The following NLRP2B variants were observed in gnomAD, a reference collection of about 807,000 sequenced individuals.
The protein encoded by NLRP2B is NLR family pyrin domain containing 2B, also known as NLR family pyrin domain-containing protein 2B.
For missense variants in NLRP2B, 25 were observed against 6.8 expected (o/e 3.70, Z -3.00); for synonymous variants, 16 against 3.5 (o/e 4.63, Z -4.03).
Position 57,679,727 on chromosome X carries a change from T to G in NLRP2B, c.*396A>C. 2.5e-6 allele frequency: 1 copy of G among 405,900 alleles called. No homozygotes were observed. Among genetic ancestry groups the G allele is most frequent in the Non-Finnish European group, 4.4e-6 (1 of 225,759 alleles). The allele number at this position is 405,900 out of a possible 1,213,427, so 33.5% of individuals were successfully genotyped here. The stretch of plus-strand genomic sequence containing the variant: ...CTCTGAGCCATAATATGGACCACTT[T>G]GAGGTCTCCAGGCCAGGTTTTCCAC... On this transcript the variant is annotated 3_prime_UTR_variant, in exon 1 of 1. Coordinates refer to ENST00000434992, the MANE Select transcript of NLRP2B (RefSeq NM_001319967.1).
chrX:57,679,948 C>G lies in NLRP2B; in HGVS notation c.*175G>C. ...TTTTGGCTCTTCTTTCCCTGTTTTC[C>G]CTAATGATACAGGCTTGATTTCAAA... is the stretch of plus-strand genomic sequence containing the variant. On this transcript the variant is annotated 3_prime_UTR_variant, in exon 1 of 1. Coordinates refer to ENST00000434992, the MANE Select transcript of NLRP2B (RefSeq NM_001319967.1). The G allele has an allele frequency of 6.7e-6, 2 of 296,381 alleles. No homozygotes were observed. The highest frequency in any genetic ancestry group is 1.2e-5 in the Non-Finnish European group (2 of 169,876). The allele number at this position is 296,381 out of a possible 1,213,427, so 24.4% of individuals were successfully genotyped here.
chrX:57,678,927 C>T lies in NLRP2B; in HGVS notation c.*1196G>A, dbSNP rs1485412466. 6.3e-5 allele frequency: 26 copies of T among 415,832 alleles called. No individual in the cohort carries two copies. The highest frequency in any genetic ancestry group is 1.9e-4 in the South Asian group (6 of 31,188). The allele number at this position is 415,832 out of a possible 1,213,427, so 34.3% of individuals were successfully genotyped here. A position where few individuals can be genotyped will look rare whatever the true frequency, so the allele number is the denominator to read the frequency against. ...GGCCCTGTGCCGCCAGGAGGCTCAG[C>T]GCCCGCAGCACGCCCCAGAGCTGTG... On this transcript the variant is annotated 3_prime_UTR_variant, in exon 1 of 1. Coordinates refer to ENST00000434992, the MANE Select transcript of NLRP2B (RefSeq NM_001319967.1).
Position 57,677,112 on chromosome X carries a change from T to C in NLRP2B, c.*3011A>G, listed in dbSNP as rs1167311464. On this transcript the variant is annotated 3_prime_UTR_variant, in exon 1 of 1. Coordinates refer to ENST00000434992, the MANE Select transcript of NLRP2B (RefSeq NM_001319967.1). Reference sequence around the variant, plus strand: ...AAAGCCTTTTTTCCCCCCCAAAGGATCATGTTTCTCAGTTATCAGCAGGCA... The same window carrying C: ...AAAGCCTTTTTTCCCCCCCAAAGGACCATGTTTCTCAGTTATCAGCAGGCA... 2 of 282,201 alleles carry C rather than the reference T, an allele frequency of 7.1e-6. No individual in the cohort carries two copies. The highest frequency in any genetic ancestry group is 5.7e-5 in the African/African-American group (2 of 35,292). The allele number at this position is 282,201 out of a possible 1,213,427, so 23.3% of individuals were successfully genotyped here. A position where few individuals can be genotyped will look rare whatever the true frequency, so the allele number is the denominator to read the frequency against.
At position 57,680,101 on chromosome X, in the gene NLRP2B, G is replaced by T; in HGVS notation, c.*22C>A. On this transcript the variant is annotated 3_prime_UTR_variant, in exon 1 of 1. Coordinates refer to ENST00000434992, the MANE Select transcript of NLRP2B (RefSeq NM_001319967.1). ...TGGCTGGTGATGATTTCTGCCAGTTGCTTCCCATCAGCCTTGTCTACCTAT... is the reference window on the plus strand; with the variant it reads ...TGGCTGGTGATGATTTCTGCCAGTTTCTTCCCATCAGCCTTGTCTACCTAT... The T allele has an allele frequency of 2.2e-6, 1 of 451,896 alleles. No homozygotes were observed. The allele number at this position is 451,896 out of a possible 1,213,427, so 37.2% of individuals were successfully genotyped here.
At position 57,679,336 on chromosome X, in the gene NLRP2B, T is replaced by G. The variant is rs1301293265; in HGVS notation, c.*787A>C. ...CAAGAAGACCGGCACCGGCTTCTGC[T>G]TCTCCCAGTCCCCACAGATGTCCTA... On this transcript the variant is annotated 3_prime_UTR_variant, in exon 1 of 1. Coordinates refer to ENST00000434992, the MANE Select transcript of NLRP2B (RefSeq NM_001319967.1). 1.4e-5 allele frequency: 8 copies of G among 580,410 alleles called. No individual in the cohort carries two copies. In the Admixed American group the frequency reaches 1.5e-4, roughly 11 times the overall value. 47.8% of individuals were successfully genotyped at this position (580,410 alleles called of 1,213,427 possible).
chrX:57,677,757 C>T lies in NLRP2B; in HGVS notation c.*2366G>A. On this transcript the variant is annotated 3_prime_UTR_variant, in exon 1 of 1. Coordinates refer to ENST00000434992, the MANE Select transcript of NLRP2B (RefSeq NM_001319967.1). ...TCGGCAGGAAGCATTTTGGGTGTCT[C>T]AAAGTTGTGTACAGCAACTTGGCAC... 2.4e-6 allele frequency: 1 copy of T among 425,215 alleles called. No individual in the cohort carries two copies. Among genetic ancestry groups the T allele is most frequent in the Non-Finnish European group, 4.5e-6 (1 of 221,189 alleles). 35.0% of individuals were successfully genotyped at this position (425,215 alleles called of 1,213,427 possible).
Position 57,679,274 on chromosome X carries a change from C to A in NLRP2B, c.*849G>T, listed in dbSNP as rs748190197. The A allele has an allele frequency of 4.3e-6, 2 of 466,333 alleles. No individual in the cohort carries two copies. Among genetic ancestry groups the A allele is most frequent in the African/African-American group, 2.4e-5 (1 of 41,828 alleles). The allele number at this position is 466,333 out of a possible 1,213,427, so 38.4% of individuals were successfully genotyped here. Reference sequence around the variant, plus strand: ...GCAGGCCACGTGGTGACCAGCACGGCGGCCCTGGGTAAAATCTTCCTCTTC... The same window carrying A: ...GCAGGCCACGTGGTGACCAGCACGGAGGCCCTGGGTAAAATCTTCCTCTTC... On this transcript the variant is annotated 3_prime_UTR_variant, in exon 1 of 1. Transcript: ENST00000434992.
rs752745054 is a variant in NLRP2B, at chrX:57,679,603, G to T, written c.*520C>A. ...GTCCAGCATTAATTTCTTGGCCAGCGTGGTTTTCCCAAGGCCCGCAGGACC... is the reference window on the plus strand; with the variant it reads ...GTCCAGCATTAATTTCTTGGCCAGCTTGGTTTTCCCAAGGCCCGCAGGACC... On this transcript the variant is annotated 3_prime_UTR_variant, in exon 1 of 1. Transcript: ENST00000434992. 8 of 507,622 alleles carry T rather than the reference G, an allele frequency of 1.6e-5. No individual in the cohort carries two copies. In the Admixed American group the frequency reaches 1.9e-4, roughly 12 times the overall value. 41.8% of individuals were successfully genotyped at this position (507,622 alleles called of 1,213,427 possible).
rs191476109 is a variant in NLRP2B at position 57,679,215 on chromosome X, C to T, written c.*908G>A. 4.8e-4 allele frequency: 215 copies of T among 451,038 alleles called. No individual in the cohort carries two copies. In the Middle Eastern group the frequency reaches 9.4e-3, roughly 20 times the overall value. The allele number at this position is 451,038 out of a possible 1,213,427, so 37.2% of individuals were successfully genotyped here. ...CTCCTCCACCCTTACATAGATCGGC[C>T]GCTCCACCAACAGCCGGAGGTCTCT... On this transcript the variant is annotated 3_prime_UTR_variant, in exon 1 of 1. Transcript: ENST00000434992.
In NLRP2B at chrX:57,678,962, G is replaced by A; in HGVS notation, c.*1161C>T. 1 of 469,888 alleles carries A rather than the reference G, an allele frequency of 2.1e-6. No homozygotes were observed. The allele number at this position is 469,888 out of a possible 1,213,427, so 38.7% of individuals were successfully genotyped here. The stretch of plus-strand genomic sequence containing the variant: ...ACGCCCCAGAGCTGTGCGCCCTGCG[G>A]GAACCGGCCGCAAAGGAAGCGCAGG... On this transcript the variant is annotated 3_prime_UTR_variant, in exon 1 of 1. Transcript: ENST00000434992.
chrX:57,677,911 T>A lies in NLRP2B; in HGVS notation c.*2212A>T, dbSNP rs1472758328. ...AGACACCAACCCGAGATATTGCAGGTTACATTTTGAGTGTCTCAAGACCTT... is the reference window on the plus strand; with the variant it reads ...AGACACCAACCCGAGATATTGCAGGATACATTTTGAGTGTCTCAAGACCTT... On this transcript the variant is annotated 3_prime_UTR_variant, in exon 1 of 1. Transcript: ENST00000434992. 9.1e-6 allele frequency: 4 copies of A among 440,713 alleles called. No homozygotes were observed. Among genetic ancestry groups the A allele is most frequent in the East Asian group, 8.6e-5 (2 of 23,355 alleles). 36.3% of individuals were successfully genotyped at this position (440,713 alleles called of 1,213,427 possible).
In NLRP2B at chrX:57,678,780, G is replaced by A. The variant is rs1226509482; in HGVS notation, c.*1343C>T. 1.0e-5 allele frequency: 4 copies of A among 394,223 alleles called. No homozygotes were observed. In the East Asian group the frequency reaches 2.3e-4, roughly 22 times the overall value. 32.5% of individuals were successfully genotyped at this position (394,223 alleles called of 1,213,427 possible). On this transcript the variant is annotated 3_prime_UTR_variant, in exon 1 of 1. Transcript: ENST00000434992. ...GGAAGCTGAGGTGGATGTAGGAATAGCAGCCTTTAGAGACTATGTCCTGGC... is the reference window on the plus strand; with the variant it reads ...GGAAGCTGAGGTGGATGTAGGAATAACAGCCTTTAGAGACTATGTCCTGGC...
In NLRP2B at chrX:57,678,431, C is replaced by T. The variant is rs1041594391; in HGVS notation, c.*1692G>A. 7 of 519,969 alleles carry T rather than the reference C, an allele frequency of 1.3e-5. No homozygotes were observed. Among genetic ancestry groups the T allele is most frequent in the Non-Finnish European group, 1.8e-5 (5 of 282,927 alleles). The allele number at this position is 519,969 out of a possible 1,213,427, so 42.9% of individuals were successfully genotyped here. A position where few individuals can be genotyped will look rare whatever the true frequency, so the allele number is the denominator to read the frequency against. On this transcript the variant is annotated 3_prime_UTR_variant, in exon 1 of 1. Coordinates refer to ENST00000434992, the MANE Select transcript of NLRP2B (RefSeq NM_001319967.1). ...TTCACCAGCTCCTCCTCCTGAGACTCGTACAGACAGCACAAGAGCTCCTTC... is the reference window on the plus strand; with the variant it reads ...TTCACCAGCTCCTCCTCCTGAGACTTGTACAGACAGCACAAGAGCTCCTTC...
rs28449766 is a variant in NLRP2B at position 57,678,972 on chromosome X, G to C, written c.*1151C>G. On this transcript the variant is annotated 3_prime_UTR_variant, in exon 1 of 1. Coordinates refer to ENST00000434992, the MANE Select transcript of NLRP2B (RefSeq NM_001319967.1). ...GCTGTGCGCCCTGCGGGAACCGGCCGCAAAGGAAGCGCAGGAACAGCCCCG... is the reference window on the plus strand; with the variant it reads ...GCTGTGCGCCCTGCGGGAACCGGCCCCAAAGGAAGCGCAGGAACAGCCCCG... 1,446 of 460,785 alleles carry C rather than the reference G, an allele frequency of 3.1e-3. 18 individuals are homozygous for C. The African/African-American group carries it at 0.032, about 10-fold the overall frequency. 38.0% of individuals were successfully genotyped at this position (460,785 alleles called of 1,213,427 possible).
At position 57,678,623 on chromosome X, in the gene NLRP2B, G is replaced by C. The variant is rs186166192; in HGVS notation, c.*1500C>G. On this transcript the variant is annotated 3_prime_UTR_variant, in exon 1 of 1. Coordinates refer to ENST00000434992, the MANE Select transcript of NLRP2B (RefSeq NM_001319967.1). ...AAGTGTCTTGCTTGGATCAGGTCGG[G>C]GTTCTTGAGTCTTTCTTCTCTAGAA... The C allele has an allele frequency of 6.0e-5, 27 of 448,109 alleles. No homozygotes were observed. The highest frequency in any genetic ancestry group is 1.7e-4 in the African/African-American group (7 of 40,876). 36.9% of individuals were successfully genotyped at this position (448,109 alleles called of 1,213,427 possible).
chrX:57,678,459 G>A lies in NLRP2B; in HGVS notation c.*1664C>T. The A allele has an allele frequency of 1.9e-6, 1 of 517,431 alleles. No individual in the cohort carries two copies. Among genetic ancestry groups the A allele is most frequent in the Admixed American group, 2.6e-5 (1 of 37,840 alleles). The allele number at this position is 517,431 out of a possible 1,213,427, so 42.6% of individuals were successfully genotyped here. A position where few individuals can be genotyped will look rare whatever the true frequency, so the allele number is the denominator to read the frequency against. On this transcript the variant is annotated 3_prime_UTR_variant, in exon 1 of 1. Coordinates refer to ENST00000434992, the MANE Select transcript of NLRP2B (RefSeq NM_001319967.1). ...ACAGACAGCACAAGAGCTCCTTCGG[G>A]TTCATCATTGTTGAGTGTCCAACCT... is the stretch of plus-strand genomic sequence containing the variant.
rs925600834 is a variant in NLRP2B at position 57,678,513 on chromosome X, T to C, written c.*1610A>G. The C allele has an allele frequency of 1.8e-5, 9 of 507,192 alleles. No homozygotes were observed. The highest frequency in any genetic ancestry group is 3.3e-5 in the Non-Finnish European group (9 of 273,643). 41.8% of individuals were successfully genotyped at this position (507,192 alleles called of 1,213,427 possible). A position where few individuals can be genotyped will look rare whatever the true frequency, so the allele number is the denominator to read the frequency against. ...CACAATTTATCTCTCATCACAGTAA[T>C]TCCTTTTTGATCTCCGGTGACATCA... On this transcript the variant is annotated 3_prime_UTR_variant, in exon 1 of 1. Transcript: ENST00000434992.
Position 57,678,275 on chromosome X carries a change from G to T in NLRP2B, c.*1848C>A. On this transcript the variant is annotated 3_prime_UTR_variant, in exon 1 of 1. Coordinates refer to ENST00000434992, the MANE Select transcript of NLRP2B (RefSeq NM_001319967.1). ...GATTCAGACACAGTGACATTCTCTG[G>T]GAGCTTTGCCTTTGCTGCCTGCAGT... The T allele has an allele frequency of 1.9e-6, 1 of 540,078 alleles. No individual in the cohort carries two copies. Among genetic ancestry groups the T allele is most frequent in the Non-Finnish European group, 3.4e-6 (1 of 293,117 alleles). The allele number at this position is 540,078 out of a possible 1,213,427, so 44.5% of individuals were successfully genotyped here.
rs1233540711 is a variant in NLRP2B, at chrX:57,678,662, C to A, written c.*1461G>T. 7.1e-6 allele frequency: 3 copies of A among 424,745 alleles called. No homozygotes were observed. The highest frequency in any genetic ancestry group is 8.7e-6 in the Non-Finnish European group (2 of 230,526). The allele number at this position is 424,745 out of a possible 1,213,427, so 35.0% of individuals were successfully genotyped here. On this transcript the variant is annotated 3_prime_UTR_variant, in exon 1 of 1. Coordinates refer to ENST00000434992, the MANE Select transcript of NLRP2B (RefSeq NM_001319967.1). ...TCTTCTCTAGAAAACAGCTTCTGCACGTCTCCATTGTCCCAGGCGTGGCCG... is the reference window on the plus strand; with the variant it reads ...TCTTCTCTAGAAAACAGCTTCTGCAAGTCTCCATTGTCCCAGGCGTGGCCG...
Sources: gnomAD v4.1 joint callset for allele counts on GRCh38, gnomAD v4.1.1 for gene constraint, MANE v1.5 for transcripts, NCBI Gene and HGNC (gene_info 2026-07-23, HGNC 2026-07-21) for gene names.